The following ARCN1 variants were observed in gnomAD, a reference collection of about 807,000 sequenced individuals.
The protein encoded by ARCN1 is coatomer subunit delta.
Under a neutral mutation model 60.4 loss-of-function variants are expected in ARCN1, and 5 were observed. The ratio of observed to expected loss-of-function variants is 0.08; its 90% CI spans 0.04 to 0.17. The LOEUF is 0.17. Ranked by LOEUF, ARCN1 falls within the 10% of genes least tolerant of loss-of-function variation. The pLI, the probability that ARCN1 is intolerant of heterozygous loss-of-function variation, is 1.00. For missense variants in ARCN1, 464 were observed against 626.5 expected (o/e 0.74, Z 2.77); for synonymous variants, 224 against 220.0 (o/e 1.02, Z -0.16).
At chr11:118,590,583 A>G (rs1370714381) in intron 6 of ARCN1, 77 bp downstream of exon 6, 30 of 1,456,726 alleles carry the variant, frequency 2.1e-5, no homozygotes, top group East Asian at 6.8e-5. Context: ...AGTTCCCAAT[A>G]TGAACCACAG....
At chr11:118,583,711 T>C (rs1427502717) in intron 3 of ARCN1, 98 bp from the exon 4 acceptor site, 3 of 1,247,776 alleles carry the variant, frequency 2.4e-6, no homozygotes, top group East Asian at 2.4e-5. Context: ...TGAGCTGTGA[T>C]TGTGCCACTT....
At position 118,598,014 on chromosome 11, in the gene ARCN1, G is replaced by A. The variant is rs552330139; in HGVS notation, c.1446+103G>A. 5.1e-5 allele frequency: 59 copies of A among 1,166,442 alleles called. No individual in the cohort carries two copies. The African/African-American group carries it at 8.3e-4, about 17-fold the overall frequency. 72.3% of individuals were successfully genotyped at this position (1,166,442 alleles called of 1,614,324 possible). A position where few individuals can be genotyped will look rare whatever the true frequency, so the allele number is the denominator to read the frequency against. On this transcript the variant is annotated intron_variant, in intron 9 of 9. Transcript: ENST00000264028. ...GCATGGCTTTTTGTGGTCAGATAAA[G>A]CTCAGAAAAAAACTGATGTCTCCTA...
At chr11:118,593,120 G>T (rs1299798686) in intron 7 of ARCN1, among the ~76,000 whole-genome samples, 3 of 152,162 alleles carry the variant, frequency 2.0e-5, no homozygotes, top group Non-Finnish European at 2.9e-5. Flanking sequence ...CTGGAGTGCA[G>T]TGGGGCAATC....
chr11:118,599,380 C>T (rs543237522), intron 9 of ARCN1, among the ~76,000 whole-genome samples: 5 of 151,924 alleles, frequency 3.3e-5, no homozygotes, highest in East Asian at 3.9e-4. Flanking sequence ...CGCGAGTCAC[C>T]GCGCTCGGCC....
intron 5 of ARCN1, among the ~76,000 whole-genome samples, chr11:118,588,000 G>A (rs2135547052): frequency 6.6e-6 from 1 of 152,342 alleles, no homozygotes; most frequent in African/African-American, 2.4e-5. Flanking sequence ...GAGCACAGGA[G>A]CTTCTGTCCC....
intron 2 of ARCN1, among the ~76,000 whole-genome samples, chr11:118,582,438 C>T (rs1555074790): frequency 6.6e-6 from 1 of 151,746 alleles, no homozygotes; most frequent in Non-Finnish European, 1.5e-5. Flanking sequence ...CTGTAAGAAT[C>T]AGGGTCTTGG....
In ARCN1 at chr11:118,590,342, G is replaced by A. The variant is rs782367570; in HGVS notation, c.820G>A (p.Val274Ile). The change falls in exon 6 of 10, where the codon GTA becomes ATA. Residue 274 changes from valine to isoleucine, a missense_variant and splice_region_variant. Transcript: ENST00000264028. The stretch of plus-strand genomic sequence containing the variant: ...AAATGTATTACTTTCTCTTTATAGT[G>A]TACATATGAAGATTGAAGAAAAGAT... ...MHAPPINMES[V>I]HMKIEEKITL... The A allele has an allele frequency of 6.8e-6, 11 of 1,611,318 alleles. No individual in the cohort carries two copies. The African/African-American group carries it at 9.4e-5, about 14-fold the overall frequency.
At chr11:118,583,709 G>T in intron 3 of ARCN1, 100 bp from the exon 4 acceptor site, 3 of 1,240,684 alleles carry the variant, frequency 2.4e-6, no homozygotes, top group East Asian at 2.4e-5. Context: ...AGTGAGCTGT[G>T]ATTGTGCCAC....
chr11:118,600,427 A>C (rs1463001534), intron 9 of ARCN1, among the ~76,000 whole-genome samples, 198 bp from the exon 10 acceptor site: 1 of 152,210 alleles, frequency 6.6e-6, no homozygotes, highest in African/African-American at 2.4e-5. Context: ...CTCCATCTAG[A>C]AGAAAAGCAG....
chr11:118,595,842 C>T (rs939047705), intron 8 of ARCN1, among the ~76,000 whole-genome samples: 2 of 152,080 alleles, frequency 1.3e-5, no homozygotes, highest in Non-Finnish European at 2.9e-5. Context: ...CCGAGGCGGG[C>T]GGATCACGAG....
At chr11:118,597,347 T>A (rs1047335480) in intron 8 of ARCN1, among the ~76,000 whole-genome samples, 16 of 152,252 alleles carry the variant, frequency 1.1e-4, no homozygotes, top group African/African-American at 3.9e-4. Context: ...TATGTTAAAA[T>A]TCCTTATTTA....
At chr11:118,586,096 CCTTT>C (rs1488996291) in intron 5 of ARCN1, among the ~76,000 whole-genome samples, 11 of 151,964 alleles carry the variant, frequency 7.2e-5, no homozygotes, top group Non-Finnish European at 1.3e-4. Flanking sequence ...TTTCTTCTTT[CCTTT>C]CTTTCTTCCT....
chr11:118,582,662 G>C (rs542769805), intron 2 of ARCN1, among the ~76,000 whole-genome samples: 254 of 151,214 alleles, frequency 1.7e-3, no homozygotes, highest in African/African-American at 5.0e-3. Context: ...GGAGGTGGGG[G>C]TTGCAGTGAG....
intron 1 of ARCN1, among the ~76,000 whole-genome samples, chr11:118,576,362 C>T (rs1256477670): frequency 7.6e-6 from 1 of 132,116 alleles, no homozygotes; most frequent in Non-Finnish European, 1.5e-5. Flanking sequence ...GTTTTCACAT[C>T]TGTAAGACAA....
rs140618237 is a variant in ARCN1 at position 118,574,504 on chromosome 11, A to G, written c.3+1954A>G. On this transcript the variant is annotated intron_variant, in intron 1 of 9. Coordinates refer to ENST00000264028, the MANE Select transcript of ARCN1 (RefSeq NM_001655.5). ...TAGATTCTATAACTAACATTTCACT[A>G]TATTTTATCATGCATCTAATCATCC... 6.8e-3 allele frequency among the ~76,000 whole-genome samples: 1,043 copies of G among 152,292 alleles called. 11 individuals carry two copies. The highest frequency in any genetic ancestry group is 0.022 in the African/African-American group (931 of 41,556).
intron 6 of ARCN1, among the ~76,000 whole-genome samples, chr11:118,591,991 G>A (rs782383340): frequency 2.3e-4 from 35 of 151,416 alleles, no homozygotes; most frequent in Non-Finnish European, 4.6e-4. Flanking sequence ...TGTGATCTCG[G>A]CTCACCGCAA....
chr11:118,573,592 C>G (rs1047962963), intron 1 of ARCN1: 10 of 684,066 alleles, frequency 1.5e-5, no homozygotes, highest in Non-Finnish European at 2.7e-5. Flanking sequence ...ATGTTCTGTT[C>G]TGTTCTTTTT....
chr11:118,581,538 C>G, intron 2 of ARCN1, 29 bp downstream of exon 2: 1 of 1,568,470 alleles, frequency 6.4e-7, no homozygotes, highest in Non-Finnish European at 8.6e-7. Context: ...TACTGGGTTC[C>G]ACTTTTTGTT....
intron 1 of ARCN1, among the ~76,000 whole-genome samples, chr11:118,580,039 C>G (rs1938616332): frequency 6.6e-6 from 1 of 152,048 alleles, no homozygotes; most frequent in Non-Finnish European, 1.5e-5. Context: ...ATTGTGAGTT[C>G]TGGCTAGGCG....
Sources: allele counts gnomAD v4.1 joint callset (sites outside exome capture counted in the v4.1 genomes callset), GRCh38; gene constraint gnomAD v4.1.1; transcripts MANE v1.5; gene names NCBI Gene and HGNC (gene_info 2026-07-23, HGNC 2026-07-21).